RBPJ: variants seen among roughly 807,000 people sequenced by gnomAD.
RBPJ encodes the protein recombining binding protein suppressor of hairless.
A neutral mutation model predicts 67.8 loss-of-function variants in RBPJ; 9 were observed. The observed-to-expected ratio is 0.13, with a 90% CI of 0.08 to 0.23. RBPJ has a LOEUF of 0.23. Ranked by LOEUF, RBPJ falls within the 10% of genes least tolerant of loss-of-function variation. The pLI is 1.00. For synonymous variants in RBPJ, 198 were observed against 203.3 expected (o/e 0.97, Z 0.22); for missense variants, 305 against 595.6 (o/e 0.51, Z 5.08).
At chr4:26,321,319 G>A (rs1184550655) in intron 1 of RBPJ, 1 of 148,746 alleles carries the variant, frequency 6.7e-6, no homozygotes, top group East Asian at 1.9e-4. Context: ...GGCGCGCGGG[G>A]CCCTCGGGCG....
intron 1 of RBPJ, among the ~76,000 whole-genome samples, chr4:26,260,981 C>A (rs1054560568): frequency 2.0e-5 from 3 of 152,174 alleles, no homozygotes; most frequent in Non-Finnish European, 4.4e-5. Context: ...GGGCAAAGAA[C>A]ATGACCAATG....
At chr4:26,255,785 G>A (rs958251844) in intron 1 of RBPJ, among the ~76,000 whole-genome samples, 1 of 140,478 alleles carries the variant, frequency 7.1e-6, no homozygotes, top group Non-Finnish European at 1.5e-5. Flanking sequence ...CTGGGCAACA[G>A]AGCAAGACTC....
chr4:26,324,405 T>A (rs1723408008), intron 1 of RBPJ, among the ~76,000 whole-genome samples: 2 of 139,826 alleles, frequency 1.4e-5, no homozygotes, highest in South Asian at 4.4e-4. Context: ...TGTGTGAGTG[T>A]GTGTGTGTGT....
At chr4:26,167,535 A>G (rs1716367819) in intron 1 of RBPJ, among the ~76,000 whole-genome samples, 1 of 145,606 alleles carries the variant, frequency 6.9e-6, no homozygotes, top group Non-Finnish European at 1.5e-5. Context: ...ATTGGTGTAT[A>G]AGAATGCTTG....
At chr4:26,271,874 C>T (rs945821231) in intron 1 of RBPJ, among the ~76,000 whole-genome samples, 6 of 152,200 alleles carry the variant, frequency 3.9e-5, no homozygotes, top group African/African-American at 7.2e-5. Context: ...TGCATGCACA[C>T]GTGTGAGCAA....
chr4:26,244,350 T>TGTATGTATACAC (rs1719819950), intron 1 of RBPJ, among the ~76,000 whole-genome samples: 2 of 1,740 alleles, frequency 1.1e-3, no homozygotes, highest in African/African-American at 1.6e-3. Context: ...CATATGTGTG[T>TGTATGTATACAC]ATATATATGT....
At chr4:26,314,893 T>A (rs1348488459), upstream of RBPJ, among the ~76,000 whole-genome samples, 2 of 151,892 alleles carry the variant, frequency 1.3e-5, no homozygotes, top group South Asian at 2.1e-4. Context: ...ACGCCTGTAA[T>A]CTCAACATTT....
chr4:26,230,648 T>A (rs1719246313), intron 1 of RBPJ, among the ~76,000 whole-genome samples: 1 of 152,228 alleles, frequency 6.6e-6, no homozygotes, highest in Admixed American at 6.5e-5. Context: ...TTGTGTTATA[T>A]AGATTTCTTT....
Position 26,197,234 on chromosome 4 carries a change from A to T in RBPJ, c.-167+33620A>T, listed in dbSNP as rs1256834078. Among the ~76,000 whole-genome samples the T allele has an allele frequency of 4.6e-5, 7 of 152,258 alleles. No individual in the cohort carries two copies. In the East Asian group the frequency reaches 1.4e-3, roughly 29 times the overall value. Reference sequence around the variant, plus strand: ...TTGTCCTAGGACTGGTTATGATAAGATCTACTCAGCACTTGGGGAAACAGC... The same window carrying T: ...TTGTCCTAGGACTGGTTATGATAAGTTCTACTCAGCACTTGGGGAAACAGC... On this transcript the variant is annotated intron_variant, in intron 1 of 4. Coordinates refer to the RBPJ transcript ENST00000512351.
the RBPJ span, chr4:26,112,156 A>G: frequency 6.5e-6 from 1 of 153,076 alleles, no homozygotes; most frequent in Admixed American, 6.5e-5. Context: ...CAAGACAAGT[A>G]TTTTTGGGAG....
chr4:26,245,835 G>C (rs954982090), intron 1 of RBPJ, among the ~76,000 whole-genome samples: 3 of 152,066 alleles, frequency 2.0e-5, no homozygotes, highest in African/African-American at 7.2e-5. Context: ...TTTCCTCCTT[G>C]AATTATCTTG....
At chr4:26,132,336 C>T in the RBPJ span, among the ~76,000 whole-genome samples, 1 of 152,194 alleles carries the variant, frequency 6.6e-6, no homozygotes, top group Non-Finnish European at 1.5e-5. Flanking sequence ...ACCCTCTTCC[C>T]CCAGCATCAG....
chr4:26,255,575 G>A (rs1720303928), intron 1 of RBPJ, among the ~76,000 whole-genome samples: 1 of 150,778 alleles, frequency 6.6e-6, no homozygotes, highest in African/African-American at 2.4e-5. Context: ...GGCCAAGGCG[G>A]GCGGATCACG....
chr4:26,349,093 C>CGCGCACGCGCGT (rs1553867515), intron 1 of RBPJ, among the ~76,000 whole-genome samples: 3 of 150,738 alleles, frequency 2.0e-5, no homozygotes, highest in African/African-American at 4.9e-5. Context: ...TGTGTGCGCG[C>CGCGCACGCGCGT]GCGCACGCAC....
chr4:26,358,029 G>GTGTGTA (rs1727598472), intron 1 of RBPJ, among the ~76,000 whole-genome samples: 1 of 150,104 alleles, frequency 6.7e-6, no homozygotes, highest in Admixed American at 6.6e-5. Flanking sequence ...TCGTGTGTGT[G>GTGTGTA]TGTGTGTGTG....
chr4:26,122,703 A>T, the RBPJ span, among the ~76,000 whole-genome samples: 3 of 152,212 alleles, frequency 2.0e-5, no homozygotes, highest in African/African-American at 7.2e-5. Context: ...TAATATTTTG[A>T]TATACATATG....
At position 26,184,201 on chromosome 4, in the gene RBPJ, G is replaced by GA. The variant is rs71184291; in HGVS notation, c.-167+20595dup. The stretch of plus-strand genomic sequence containing the variant: ...CATCTCAAAAAAAAAAAAAAAGAAA[G>GA]AAAAAAAATGTATCCAAACACTTGT... On this transcript the variant is annotated intron_variant, in intron 1 of 4. Transcript: ENST00000512351. 6.6e-3 allele frequency among the ~76,000 whole-genome samples: 972 copies of GA among 146,360 alleles called. 24 individuals are homozygous for GA. Among genetic ancestry groups the GA allele is most frequent in the African/African-American group, 0.023 (912 of 38,900 alleles).
chr4:26,161,577 A>G (rs549800066), upstream of RBPJ, among the ~76,000 whole-genome samples: 12 of 152,288 alleles, frequency 7.9e-5, no homozygotes, highest in African/African-American at 2.4e-4. Flanking sequence ...AGTCACTGCT[A>G]TGGGGTCCCT....
chr4:26,277,636 A>G (rs61146714), intron 1 of RBPJ, among the ~76,000 whole-genome samples: 3,983 of 152,336 alleles, frequency 0.026, 184 homozygotes, highest in African/African-American at 0.09. Context: ...AAGGAGTGGC[A>G]GGGGCCTATT....
Sources: gnomAD v4.1 joint callset for allele counts (sites outside exome capture counted in the v4.1 genomes callset) on GRCh38, gnomAD v4.1.1 for gene constraint, MANE v1.5 for transcripts, NCBI Gene and HGNC (gene_info 2026-07-23, HGNC 2026-07-21) for gene names.